The following MTERF4 variants were observed in gnomAD, a reference collection of about 807,000 sequenced individuals.
MTERF4 encodes mitochondrial transcription termination factor 4.
MTERF4 carries 17 observed loss-of-function variants against 22.5 expected under a neutral mutation model. The ratio of observed to expected loss-of-function variants is 0.75; its 90% CI spans 0.52 to 1.13. MTERF4 has a LOEUF of 1.13. MTERF4 is among the 50% of genes most tolerant of loss of function. The probability of loss-of-function intolerance (pLI) is 0.00; values close to 1 mark genes in which losing one functional copy is unlikely to be tolerated. For missense variants in MTERF4, 420 were observed against 466.8 expected (o/e 0.90, Z 0.92); for synonymous variants, 165 against 175.3 (o/e 0.94, Z 0.47).
At chr2:241,072,264 C>T (rs1290755472) in exon 5 of MTERF4, 8 of 474,234 alleles carry the variant, frequency 1.7e-5, no homozygotes, top group Admixed American at 2.3e-5. Context: ...CCCGCCACTC[C>T]GAGTGTGGTC....
At chr2:241,070,232 G>A, downstream of MTERF4, 3 of 1,573,512 alleles carry the variant, frequency 1.9e-6, no homozygotes, top group South Asian at 1.1e-5. Context: ...GCGTGGGCGG[G>A]GCCAGTGTTT....
At chr2:241,061,778 G>A in the MTERF4 span, among the ~76,000 whole-genome samples, 8 of 151,416 alleles carry the variant, frequency 5.3e-5, no homozygotes, top group African/African-American at 7.3e-5. Context: ...CCAGCTACTC[G>A]GGAGGCGGAG....
At chr2:241,068,519 G>A (rs113259079), downstream of MTERF4, among the ~76,000 whole-genome samples, 2,897 of 152,172 alleles carry the variant, frequency 0.019, 76 homozygotes, top group African/African-American at 0.066. This position sits in a 1 kb window ranked among gnomAD's most constrained non-coding sequence, Gnocchi z 5.3. Flanking sequence ...GCTTCCTGGG[G>A]CTGGGGTGGC....
At chr2:241,081,808 G>A in intron 4 of MTERF4, 1 of 1,545,588 alleles carries the variant, frequency 6.5e-7, no homozygotes, top group Non-Finnish European at 8.8e-7. Context: ...GTCGGGGCTT[G>A]GCCTCAGGGC....
chr2:241,085,233 C>T (rs537276438), downstream of MTERF4, among the ~76,000 whole-genome samples: 1 of 152,166 alleles, frequency 6.6e-6, no homozygotes, highest in South Asian at 2.1e-4. Context: ...TCTGGGACTC[C>T]AGTTATGCGT....
chr2:241,042,875 T>G, the MTERF4 span, among the ~76,000 whole-genome samples: 3 of 152,176 alleles, frequency 2.0e-5, no homozygotes, highest in Admixed American at 2.0e-4. Flanking sequence ...AGAACGATAT[T>G]AGGGTAATAG....
downstream of MTERF4, chr2:241,067,819 A>G: frequency 6.2e-7 from 1 of 1,613,406 alleles, no homozygotes; most frequent in Non-Finnish European, 8.5e-7. Flanking sequence ...GCACCATCTC[A>G]GTGCAGTGGG....
chr2:241,086,218 C>T (rs2125325779), downstream of MTERF4, among the ~76,000 whole-genome samples: 1 of 152,316 alleles, frequency 6.6e-6, no homozygotes, highest in Non-Finnish European at 1.5e-5. Flanking sequence ...TCTACTCTGG[C>T]TCTGGAAATC....
In MTERF4 at chr2:241,096,004, CTCCTCGTCGTCGTCCTCA is replaced by C. The variant is rs764724488; in HGVS notation, c.1122_1139del (p.Asp374_Glu379del). Reference sequence around the variant, plus strand: ...TCTAGTCCTTCCATCACAGCTATTCCTCCTCGTCGTCGTCCTCATCCTCATCATTGTCCTCCGCCTCGT... The same window carrying C: ...TCTAGTCCTTCCATCACAGCTATTCCTCCTCATCATTGTCCTCCGCCTCGT... On this transcript the variant is annotated inframe_deletion, in exon 4 of 4. Transcript: ENST00000391980. This position sits in a 1 kb window ranked among gnomAD's most constrained non-coding sequence, Gnocchi z 5.1. The C allele has an allele frequency of 9.3e-6, 15 of 1,613,734 alleles. No individual in the cohort carries two copies. In the African/African-American group the frequency reaches 2.0e-4, roughly 22 times the overall value.
chr2:241,049,244 C>A, the MTERF4 span: 1 of 780,850 alleles, frequency 1.3e-6, no homozygotes, highest in Non-Finnish European at 2.1e-6. Context: ...CCTTCTGACT[C>A]TCGGGAGAGC....
the MTERF4 span, chr2:241,048,551 C>T: frequency 8.1e-6 from 12 of 1,489,202 alleles, no homozygotes; most frequent in Non-Finnish European, 1.1e-5. Context: ...TGTGAGTGCG[C>T]GTCCACTGCA....
At chr2:241,081,754 G>A (rs2063339178) in intron 4 of MTERF4, 1 of 1,605,234 alleles carries the variant, frequency 6.2e-7, no homozygotes, top group Admixed American at 1.7e-5. Flanking sequence ...CCACAGCTGT[G>A]ACTGCGGGCC....
At chr2:241,064,219 G>A in the MTERF4 span, 547 of 780,360 alleles carry the variant, frequency 7.0e-4, 5 homozygotes, top group South Asian at 2.7e-3. This position sits in a 1 kb window ranked among gnomAD's most constrained non-coding sequence, Gnocchi z 7.0. Context: ...CCTGCTCCCC[G>A]CCCTCTGCCC....
At chr2:241,067,782 G>C (rs2062524489), downstream of MTERF4, 3 of 1,610,322 alleles carry the variant, frequency 1.9e-6, no homozygotes, top group South Asian at 2.2e-5. Context: ...CCTGTGGAAG[G>C]CTTCGAGGTC....
At chr2:241,100,871 CCT>C (rs1435496077) in intron 1 of MTERF4, among the ~76,000 whole-genome samples, 1 of 152,126 alleles carries the variant, frequency 6.6e-6, no homozygotes, top group Admixed American at 6.5e-5. Flanking sequence ...GCCCCTAACC[CCT>C]GTGTTGTTCA....
At chr2:241,095,083 C>T (rs1307059021), downstream of MTERF4, 3 of 149,672 alleles carry the variant, frequency 2.0e-5, no homozygotes, top group Non-Finnish European at 4.4e-5. Context: ...CCCACACCCA[C>T]CTTGGGGGGT....
chr2:241,049,166 C>T, the MTERF4 span: 2 of 1,555,276 alleles, frequency 1.3e-6, no homozygotes, highest in Non-Finnish European at 1.8e-6. Flanking sequence ...CCTGCTGGGC[C>T]GGGGGCCCGG....
chr2:241,044,613 C>G, the MTERF4 span, among the ~76,000 whole-genome samples: 1 of 152,206 alleles, frequency 6.6e-6, no homozygotes, highest in Non-Finnish European at 1.5e-5. Context: ...AGTGGGCATC[C>G]ACACGGACAG....
chr2:241,083,125 C>T (rs567082106), downstream of MTERF4, among the ~76,000 whole-genome samples: 4 of 152,220 alleles, frequency 2.6e-5, no homozygotes, highest in Middle Eastern at 3.4e-3. Context: ...GGAAAAAGGA[C>T]GAGATGACAG....
Sources: gnomAD v4.1 joint callset for allele counts (sites outside exome capture counted in the v4.1 genomes callset) on GRCh38, gnomAD v4.1.1 for gene constraint, Gnocchi (gnomAD v3.1) non-coding constraint, MANE v1.5 for transcripts, NCBI Gene and HGNC (gene_info 2026-07-23, HGNC 2026-07-21) for gene names.